WDTC1: variants seen among roughly 807,000 people sequenced by gnomAD.
The protein encoded by WDTC1 is WD and tetratricopeptide repeats protein 1.
Under a neutral mutation model 76.0 loss-of-function variants are expected in WDTC1, and 12 were observed. That is an observed-to-expected ratio of 0.16 (90% CI 0.10 to 0.26). The LOEUF is 0.26. Among genes scored for constraint, WDTC1 ranks in the 10% least tolerant of loss-of-function variants. The probability of loss-of-function intolerance (pLI) is 1.00; values close to 1 mark genes in which losing one functional copy is unlikely to be tolerated. For synonymous variants in WDTC1, 326 were observed against 350.8 expected, an observed-to-expected ratio of 0.93 and a Z score of 0.79; for missense variants, 511 against 908.8, an observed-to-expected ratio of 0.56 and a Z score of 5.63.
At chr1:27,273,343 G>C (rs938730983) in intron 3 of WDTC1, among the ~76,000 whole-genome samples, 2 of 151,388 alleles carry the variant, frequency 1.3e-5, no homozygotes, top group African/African-American at 4.9e-5. Context: ...CAAGTAGCTG[G>C]GACTACAGGC....
At chr1:27,284,276 C>T (rs912569818) in intron 5 of WDTC1, among the ~76,000 whole-genome samples, 1 of 152,178 alleles carries the variant, frequency 6.6e-6, no homozygotes, top group East Asian at 1.9e-4. Context: ...TCGCCAGGTG[C>T]TTTATCTCCA....
At chr1:27,262,823 A>C (rs576565167) in intron 2 of WDTC1, among the ~76,000 whole-genome samples, 1 of 152,080 alleles carries the variant, frequency 6.6e-6, no homozygotes, top group South Asian at 2.1e-4. Flanking sequence ...TTTGTGTGCA[A>C]TATGTGTCCT....
intron 6 of WDTC1, among the ~76,000 whole-genome samples, chr1:27,290,184 C>T (rs1160897961): frequency 1.3e-5 from 2 of 152,046 alleles, no homozygotes; most frequent in Admixed American, 6.6e-5. Flanking sequence ...TGGGCTCAGG[C>T]GATTCTCCCA....
At chr1:27,291,935 T>A (rs2147977558) in intron 6 of WDTC1, among the ~76,000 whole-genome samples, 1 of 152,266 alleles carries the variant, frequency 6.6e-6, no homozygotes, top group African/African-American at 2.4e-5. Flanking sequence ...GTGTTGGTAA[T>A]CAGTAGTAGT....
At chr1:27,304,885 G>A in intron 14 of WDTC1, 116 bp from the exon 15 acceptor site, 1 of 1,055,166 alleles carries the variant, frequency 9.5e-7, no homozygotes, top group Non-Finnish European at 1.3e-6. Flanking sequence ...CCAGCGTGTG[G>A]GGGACTGAGT....
At chr1:27,264,334 A>G (rs998073482) in intron 3 of WDTC1, among the ~76,000 whole-genome samples, 3 of 152,046 alleles carry the variant, frequency 2.0e-5, no homozygotes, top group Non-Finnish European at 2.9e-5. Flanking sequence ...ACACATGCCT[A>G]TAGTCCCAGC....
chr1:27,239,937 G>A (rs772370820), intron 1 of WDTC1, among the ~76,000 whole-genome samples: 1 of 151,426 alleles, frequency 6.6e-6, no homozygotes, highest in Non-Finnish European at 1.5e-5. Flanking sequence ...TTATTGCCCA[G>A]GCTGGAGTGC....
intron 1 of WDTC1, among the ~76,000 whole-genome samples, chr1:27,242,765 A>G (rs1339458305): frequency 6.6e-6 from 1 of 152,024 alleles, no homozygotes; most frequent in East Asian, 1.9e-4. Context: ...CACCGCACCC[A>G]GGCGACCCTG....
chr1:27,303,725 G>A lies in WDTC1; in HGVS notation c.1573G>A (p.Asp525Asn), dbSNP rs2013887915. Residue 525 changes from aspartate (D) to asparagine (N), a missense_variant, in exon 14 of 16, where the codon GAC (aspartate) becomes AAC (asparagine). Coordinates refer to ENST00000319394, the MANE Select transcript of WDTC1 (RefSeq NM_001276252.2). The surrounding 1 kb of genome is among the most constrained non-coding windows in gnomAD (Gnocchi z 4.8). ...DEMVLRERSY[D>N]YQFRYCGHCN... The stretch of plus-strand genomic sequence containing the variant: ...AATGGTGCTGCGGGAGCGAAGCTAC[G>A]ACTATCAGTTCCGCTACTGCGGCCA... 3 of 1,613,954 alleles carry A rather than the reference G, an allele frequency of 1.9e-6. No individual in the cohort carries two copies. Among genetic ancestry groups the A allele is most frequent in the African/African-American group, 1.3e-5 (1 of 74,920 alleles).
chr1:27,282,898 G>A (rs1557497873), intron 4 of WDTC1, among the ~76,000 whole-genome samples: 1 of 151,826 alleles, frequency 6.6e-6, no homozygotes, highest in Non-Finnish European at 1.5e-5. Flanking sequence ...CTAGCACTTT[G>A]GGAGGCCGAG....
Position 27,308,259 on chromosome 1 carries a change from T to C in WDTC1, c.*1876T>C, listed in dbSNP as rs2148002095. 6.6e-6 allele frequency: 1 copy of C among 152,378 alleles called. No homozygotes were observed. Among genetic ancestry groups the C allele is most frequent in the Non-Finnish European group, 1.5e-5 (1 of 68,106 alleles). 9.4% of individuals were successfully genotyped at this position (152,378 alleles called of 1,614,324 possible). ...TTTGTTCTAGGTGTGGCTGGTGGCATTTGTGGGGTGCAGATGGGTCTTGGA... is the reference window on the plus strand; with the variant it reads ...TTTGTTCTAGGTGTGGCTGGTGGCACTTGTGGGGTGCAGATGGGTCTTGGA... On this transcript the variant is annotated 3_prime_UTR_variant, in exon 16 of 16. Transcript: ENST00000319394.
chr1:27,283,568 A>G (rs1041975399), intron 5 of WDTC1, 119 bp downstream of exon 5: 11 of 775,494 alleles, frequency 1.4e-5, no homozygotes, highest in Non-Finnish European at 2.1e-5. Context: ...GTCACAGACA[A>G]CCTTATGATC....
rs267598533 is a variant in WDTC1, at chr1:27,296,396, C to T, written c.944C>T (p.Ser315Leu). The T allele has an allele frequency of 4.0e-5, 64 of 1,613,942 alleles. 1 individual carries two copies. Among genetic ancestry groups the T allele is most frequent in the Non-Finnish European group, 5.1e-5 (60 of 1,180,026 alleles). ...TFLLPRKCHS[S>L]GEVQNGKMST... ...CTCTTGCCTAGAAAATGCCACTCCT[C>T]GGGGGGTAAGTTCTCCCTTAGGGTA... Residue 315 changes from serine (S) to leucine (L), a missense_variant, in exon 10 of 16, where the codon TCG (serine) becomes TTG (leucine). Physicochemically the swap from Ser to Leu is moderately radical, Grantham distance 145 (BLOSUM62 -2). Coordinates refer to ENST00000319394, the MANE Select transcript of WDTC1 (RefSeq NM_001276252.2).
At chr1:27,289,662 G>A (rs2013472379) in intron 6 of WDTC1, among the ~76,000 whole-genome samples, 1 of 152,346 alleles carries the variant, frequency 6.6e-6, no homozygotes, top group South Asian at 2.1e-4. Flanking sequence ...GTAGCAAGCC[G>A]AGATCACGCC....
Position 27,305,982 on chromosome 1 carries a change from C to T in WDTC1, c.1837-204C>T, listed in dbSNP as rs550130146. 9.2e-5 allele frequency among the ~76,000 whole-genome samples: 14 copies of T among 152,190 alleles called. No individual in the cohort carries two copies. The highest frequency in any genetic ancestry group is 3.4e-4 in the African/African-American group (14 of 41,514). On this transcript the variant is annotated intron_variant, in intron 15 of 15. Transcript: ENST00000319394. The surrounding 1 kb of genome is among the most constrained non-coding windows in gnomAD (Gnocchi z 4.6). Reference sequence around the variant, plus strand: ...GTATATCCTGAGGTGGCGTATCTCCCATATATATTCCAGCGTGAGCACCCC... The same window carrying T: ...GTATATCCTGAGGTGGCGTATCTCCTATATATATTCCAGCGTGAGCACCCC...
chr1:27,293,750 G>A (rs182905016), intron 7 of WDTC1, among the ~76,000 whole-genome samples: 66 of 152,202 alleles, frequency 4.3e-4, no homozygotes, highest in African/African-American at 1.5e-3. Flanking sequence ...GGCTTGGAGC[G>A]GGTCTTGAAC....
intron 1 of WDTC1, among the ~76,000 whole-genome samples, chr1:27,244,587 T>C (rs1282808391): frequency 1.3e-5 from 2 of 152,110 alleles, no homozygotes; most frequent in Non-Finnish European, 2.9e-5. Flanking sequence ...CTTCAAGTGA[T>C]CCTCCTGCCT....
intron 3 of WDTC1, among the ~76,000 whole-genome samples, chr1:27,281,464 G>C (rs1340974569): frequency 6.6e-6 from 1 of 151,440 alleles, no homozygotes; most frequent in African/African-American, 2.4e-5. Context: ...AAAAAATGCT[G>C]GGTGAATAAA....
chr1:27,263,540 TCTC>T (rs2012555742), intron 3 of WDTC1, among the ~76,000 whole-genome samples: 1 of 152,300 alleles, frequency 6.6e-6, no homozygotes, highest in South Asian at 2.1e-4. Flanking sequence ...TTCACACCAT[TCTC>T]CTGCCTCAGC....
Sources: gnomAD v4.1 joint callset for allele counts (sites outside exome capture counted in the v4.1 genomes callset) on GRCh38, gnomAD v4.1.1 for gene constraint, Gnocchi (gnomAD v3.1) non-coding constraint, MANE v1.5 for transcripts, NCBI Gene and HGNC (gene_info 2026-07-23, HGNC 2026-07-21) for gene names.